The following CDH1 variants were observed in gnomAD, a reference collection of about 807,000 sequenced individuals.
CDH1 encodes the protein cadherin 1, also known as cadherin-1.
CDH1 carries 35 observed loss-of-function variants against 84.5 expected under a neutral mutation model. The ratio of observed to expected loss-of-function variants is 0.41; its 90% CI spans 0.32 to 0.55. CDH1 has a LOEUF of 0.55. CDH1 is among the 20% of genes least tolerant of loss of function. The probability of loss-of-function intolerance (pLI) is 0.19; values close to 1 mark genes in which losing one functional copy is unlikely to be tolerated. For synonymous variants in CDH1, 417 were observed against 439.0 expected (o/e 0.95, Z 0.63); for missense variants, 994 against 1,126.6 (o/e 0.88, Z 1.68).
rs1454547923 is a variant in CDH1 at position 68,821,309 on chromosome 16, C to T, written c.1712-692C>T. Among the ~76,000 whole-genome samples, 3 of 151,566 alleles carry T rather than the reference C, an allele frequency of 2.0e-5. No individual in the cohort carries two copies. The South Asian group carries it at 6.3e-4, about 32-fold the overall frequency. ...GCAACATGATAAGACCCCCTCTCTACAAAAAAAATTTAAAAACTAGCCAAG... is the reference window on the plus strand; with the variant it reads ...GCAACATGATAAGACCCCCTCTCTATAAAAAAAATTTAAAAACTAGCCAAG... On this transcript the variant is annotated intron_variant, in intron 11 of 15. Coordinates refer to ENST00000261769, the MANE Select transcript of CDH1 (RefSeq NM_004360.5).
rs551425404 is a variant in CDH1 at position 68,753,729 on chromosome 16, A to G, written c.163+15318A>G. Among the ~76,000 whole-genome samples, 169 of 152,294 alleles carry G rather than the reference A, an allele frequency of 1.1e-3. 1 individual carries two copies. The highest frequency in any genetic ancestry group is 3.8e-3 in the African/African-American group (156 of 41,562). ...GTGGCTAGATTTAGCAAATAACAAT[A>G]CAGGACTATCAGTTACATTTGACTT... On this transcript the variant is annotated intron_variant, in intron 2 of 15. Transcript: ENST00000261769.
chr16:68,829,846 G>T (rs750982806), intron 15 of CDH1, 49 bp downstream of exon 15: 2 of 1,584,758 alleles, frequency 1.3e-6, no homozygotes, highest in Non-Finnish European at 1.7e-6. Flanking sequence ...TCTAAGCTCA[G>T]GAGGAGTTGT....
chr16:68,783,846 T>A (rs568108196), intron 2 of CDH1, among the ~76,000 whole-genome samples: 3 of 152,096 alleles, frequency 2.0e-5, no homozygotes, highest in African/African-American at 4.8e-5. Flanking sequence ...CTGGCTAATT[T>A]TTGTATTTTT....
intron 2 of CDH1, among the ~76,000 whole-genome samples, chr16:68,800,275 C>T (rs1258289307): frequency 6.6e-6 from 1 of 152,010 alleles, no homozygotes; most frequent in Non-Finnish European, 1.5e-5. Context: ...AAAGGGCTGT[C>T]TCAGCTCTGC....
chr16:68,739,083 G>T (rs981283539), intron 2 of CDH1, among the ~76,000 whole-genome samples: 4 of 151,428 alleles, frequency 2.6e-5, no homozygotes, highest in Non-Finnish European at 4.4e-5. Context: ...CTAGTAGCTG[G>T]TTATCATGGG....
chr16:68,747,176 G>A (rs895450947), intron 2 of CDH1, among the ~76,000 whole-genome samples: 1 of 152,172 alleles, frequency 6.6e-6, no homozygotes, highest in Non-Finnish European at 1.5e-5. Flanking sequence ...TTCACCTGCT[G>A]GGCCTTGATG....
chr16:68,818,065 C>T (rs1406487378), intron 10 of CDH1, among the ~76,000 whole-genome samples: 2 of 151,636 alleles, frequency 1.3e-5, no homozygotes, highest in East Asian at 1.9e-4. Flanking sequence ...ATGGTGAAAC[C>T]TCGTCTCTAC....
chr16:68,737,408 G>C lies in CDH1; in HGVS notation c.-8G>C, dbSNP rs879449703. The C allele has an allele frequency of 2.0e-6, 3 of 1,531,074 alleles. No individual in the cohort carries two copies. In the Admixed American group the frequency reaches 5.9e-5, roughly 30 times the overall value. The allele number at this position is 1,531,074 out of a possible 1,614,324, so 94.8% of individuals were successfully genotyped here. On this transcript the variant is annotated 5_prime_UTR_variant, in exon 1 of 16. Transcript: ENST00000261769. ...GCGCCTGCCCTCGCTCGGCGTCCCCGGCCAGCCATGGGCCCTTGGAGCCGC... is the reference window on the plus strand; with the variant it reads ...GCGCCTGCCCTCGCTCGGCGTCCCCCGCCAGCCATGGGCCCTTGGAGCCGC...
intron 2 of CDH1, among the ~76,000 whole-genome samples, chr16:68,794,891 A>G (rs1216949839): frequency 1.3e-5 from 2 of 148,960 alleles, no homozygotes; most frequent in East Asian, 3.9e-4. Context: ...ACGGGGTTTC[A>G]CCGTGTTAGC....
chr16:68,739,570 C>T (rs1157800792), intron 2 of CDH1, among the ~76,000 whole-genome samples: 1 of 149,704 alleles, frequency 6.7e-6, no homozygotes, highest in Non-Finnish European at 1.5e-5. Flanking sequence ...TGGACCAAAA[C>T]ATCTTGATAC....
At chr16:68,739,607 G>A (rs902971718) in intron 2 of CDH1, among the ~76,000 whole-genome samples, 1 of 76,456 alleles carries the variant, frequency 1.3e-5, no homozygotes, top group Non-Finnish European at 2.4e-5. Context: ...AAGGAATAAT[G>A]ATTTTTTTTT....
chr16:68,797,325 C>T (rs890452533), intron 2 of CDH1, among the ~76,000 whole-genome samples: 6 of 152,272 alleles, frequency 3.9e-5, no homozygotes, highest in East Asian at 3.9e-4. Flanking sequence ...GCTGAGGCTG[C>T]GGTGAGCTAG....
chr16:68,774,204 G>A (rs747240599), intron 2 of CDH1, among the ~76,000 whole-genome samples: 1 of 152,180 alleles, frequency 6.6e-6, no homozygotes, highest in Admixed American at 6.5e-5. Context: ...ATGAGCCACC[G>A]TGAATGGCCA....
At chr16:68,789,093 G>T (rs1308063830) in intron 2 of CDH1, among the ~76,000 whole-genome samples, 4 of 152,256 alleles carry the variant, frequency 2.6e-5, no homozygotes, top group Middle Eastern at 3.4e-3. Flanking sequence ...GCCCGAACAT[G>T]ATTCTCTGCA....
intron 2 of CDH1, among the ~76,000 whole-genome samples, chr16:68,739,293 T>C (rs1962496896): frequency 6.6e-6 from 1 of 152,046 alleles, no homozygotes; most frequent in Non-Finnish European, 1.5e-5. Flanking sequence ...GGCGTGTGCC[T>C]GTAATCCTAG....
chr16:68,748,818 T>G lies in CDH1; in HGVS notation c.163+10407T>G, dbSNP rs200384329. Among the ~76,000 whole-genome samples, 10 of 152,354 alleles carry G rather than the reference T, an allele frequency of 6.6e-5. No individual in the cohort carries two copies. The East Asian group carries it at 1.7e-3, about 26-fold the overall frequency. ...GAGAGGTGTTATGTGCCTGCCTGTC[T>G]GAAGATAAAACAGTTTTTTTTGTTT... On this transcript the variant is annotated intron_variant, in intron 2 of 15. Coordinates refer to ENST00000261769, the MANE Select transcript of CDH1 (RefSeq NM_004360.5).
At chr16:68,798,710 C>T (rs938200108) in intron 2 of CDH1, among the ~76,000 whole-genome samples, 1 of 152,192 alleles carries the variant, frequency 6.6e-6, no homozygotes, top group African/African-American at 2.4e-5. Flanking sequence ...GAATTCAGTG[C>T]AGCCTTCATT....
chr16:68,764,883 G>A (rs1350028768), intron 2 of CDH1, among the ~76,000 whole-genome samples: 3 of 152,206 alleles, frequency 2.0e-5, no homozygotes, highest in Non-Finnish European at 2.9e-5. Context: ...GGCTCCTAGT[G>A]CGGTGACGGT....
At chr16:68,794,894 G>A (rs1186927996) in intron 2 of CDH1, among the ~76,000 whole-genome samples, 4 of 150,086 alleles carry the variant, frequency 2.7e-5, no homozygotes, top group Non-Finnish European at 3.0e-5. Flanking sequence ...GGGTTTCACC[G>A]TGTTAGCCAG....
Sources: allele counts gnomAD v4.1 joint callset (sites outside exome capture counted in the v4.1 genomes callset), GRCh38; gene constraint gnomAD v4.1.1; transcripts MANE v1.5; gene names NCBI Gene and HGNC (gene_info 2026-07-23, HGNC 2026-07-21).